DOCK1: variants seen among roughly 807,000 people sequenced by gnomAD.
The protein encoded by DOCK1 is dedicator of cytokinesis 1, also known as dedicator of cytokinesis protein 1.
DOCK1 carries 138 observed loss-of-function variants against 262.7 expected under a neutral mutation model. The observed-to-expected ratio is 0.53, with a 90% CI of 0.46 to 0.61. The LOEUF (loss-of-function observed/expected upper bound fraction) is 0.61. Ranked by LOEUF, DOCK1 falls within the 20% of genes least tolerant of loss-of-function variation. DOCK1 has a pLI of 0.00. For missense variants in DOCK1, 1,908 were observed against 2,370.7 expected (o/e 0.80, Z 4.05); for synonymous variants, 866 against 867.4 (o/e 1.00, Z 0.03).
At chr10:127,443,001 A>G (rs1056178832) in intron 49 of DOCK1, among the ~76,000 whole-genome samples, 1 of 151,942 alleles carries the variant, frequency 6.6e-6, no homozygotes, top group Non-Finnish European at 1.5e-5. Context: ...AACCCCAGAA[A>G]CTCATTGTCT....
At chr10:126,945,898 C>T (rs1037773687) in intron 1 of DOCK1, among the ~76,000 whole-genome samples, 6 of 152,264 alleles carry the variant, frequency 3.9e-5, no homozygotes, top group South Asian at 2.1e-4. Context: ...TCATGATTGC[C>T]GCAGTGCTTT....
intron 29 of DOCK1, among the ~76,000 whole-genome samples, chr10:127,284,271 G>T (rs556634805): frequency 1.7e-4 from 26 of 151,302 alleles, no homozygotes; most frequent in South Asian, 1.3e-3. Context: ...CATTCGGTTA[G>T]GTTTTTAAAA....
At chr10:127,078,520 T>C (rs1345330404) in intron 23 of DOCK1, among the ~76,000 whole-genome samples, 2 of 152,118 alleles carry the variant, frequency 1.3e-5, no homozygotes, top group Non-Finnish European at 2.9e-5. Context: ...GAGAGTGTCA[T>C]AACATGACAT....
intron 39 of DOCK1, 90 bp from the exon 40 acceptor site, chr10:127,404,235 C>A: frequency 1.8e-6 from 2 of 1,102,894 alleles, no homozygotes; most frequent in South Asian, 1.4e-5. Flanking sequence ...ATAGAAGTTG[C>A]CAGAGCTTTT....
intron 23 of DOCK1, among the ~76,000 whole-genome samples, chr10:127,066,153 C>G (rs929604486): frequency 5.9e-5 from 9 of 152,120 alleles, no homozygotes; most frequent in Non-Finnish European, 1.0e-4. Context: ...TGCCTCTGCC[C>G]TCGAGTCGTG....
intron 27 of DOCK1, chr10:127,177,046 A>G (rs189338860): frequency 6.6e-6 from 1 of 152,256 alleles, no homozygotes; most frequent in Non-Finnish European, 1.5e-5. Flanking sequence ...ATGGGTTAAC[A>G]TCAGCTCTAA....
At chr10:127,361,372 C>T (rs1590686852) in intron 32 of DOCK1, among the ~76,000 whole-genome samples, 1 of 152,042 alleles carries the variant, frequency 6.6e-6, no homozygotes, top group South Asian at 2.1e-4. Context: ...CCTTGGCCTC[C>T]CAAAGTGCTG....
chr10:127,326,761 A>G (rs764870673), intron 29 of DOCK1, among the ~76,000 whole-genome samples: 3 of 152,216 alleles, frequency 2.0e-5, no homozygotes, highest in Admixed American at 2.0e-4. Flanking sequence ...AGAAATCACT[A>G]TCTCTGGCAG....
At chr10:127,364,396 C>G (rs542857758) in intron 33 of DOCK1, among the ~76,000 whole-genome samples, 40 of 152,168 alleles carry the variant, frequency 2.6e-4, no homozygotes, top group African/African-American at 9.2e-4. Flanking sequence ...GAGACGGAGT[C>G]TCGCTCTGTT....
intron 30 of DOCK1, among the ~76,000 whole-genome samples, chr10:127,340,803 A>G (rs1262715316): frequency 6.6e-6 from 1 of 152,176 alleles, no homozygotes. Flanking sequence ...TAGGCTAAGA[A>G]TACTTAGTGG....
At chr10:126,939,804 T>C (rs2034852348) in intron 1 of DOCK1, among the ~76,000 whole-genome samples, 1 of 152,246 alleles carries the variant, frequency 6.6e-6, no homozygotes, top group Non-Finnish European at 1.5e-5. Context: ...GTTTGGTGTT[T>C]GTTAATCCCA....
At chr10:127,001,128 T>G (rs1287167807) in intron 10 of DOCK1, 1 of 152,230 alleles carries the variant, frequency 6.6e-6, no homozygotes, top group Non-Finnish European at 1.5e-5. Context: ...TACCTAGCAC[T>G]GTGATATTTA....
chr10:126,937,617 G>A (rs1415191854), intron 1 of DOCK1, among the ~76,000 whole-genome samples: 1 of 151,382 alleles, frequency 6.6e-6, no homozygotes, highest in Non-Finnish European at 1.5e-5. Flanking sequence ...GTGATGTTGA[G>A]CTTTTTTTTC....
chr10:127,134,755 C>T (rs986008559), intron 27 of DOCK1, among the ~76,000 whole-genome samples: 1 of 152,112 alleles, frequency 6.6e-6, no homozygotes, highest in Non-Finnish European at 1.5e-5. Context: ...GAAGAACATG[C>T]GATGGTAGCA....
intron 27 of DOCK1, among the ~76,000 whole-genome samples, chr10:127,169,649 T>A (rs1174509829): frequency 6.6e-6 from 1 of 152,170 alleles, no homozygotes; most frequent in Non-Finnish European, 1.5e-5. Flanking sequence ...ATGGCAGAGT[T>A]GAATCATTGT....
intron 27 of DOCK1, among the ~76,000 whole-genome samples, chr10:127,163,177 GGGAACATGT>G (rs1266358649): frequency 3.3e-5 from 5 of 152,136 alleles, no homozygotes; most frequent in Admixed American, 6.5e-5. Flanking sequence ...TTTGCTGGCT[GGGAACATGT>G]CTTTGTTCCT....
At chr10:126,929,303 G>T (rs1397790985) in intron 1 of DOCK1, among the ~76,000 whole-genome samples, 1 of 152,110 alleles carries the variant, frequency 6.6e-6, no homozygotes, top group Non-Finnish European at 1.5e-5. Context: ...TGTAAACTGG[G>T]GAGAAAAGCA....
At chr10:127,092,264 G>A (rs2047582342) in intron 23 of DOCK1, among the ~76,000 whole-genome samples, 1 of 152,224 alleles carries the variant, frequency 6.6e-6, no homozygotes, top group Non-Finnish European at 1.5e-5. Flanking sequence ...AGCTGGATCG[G>A]GGAGGAGAGG....
At chr10:127,099,398 A>C (rs541356507) in intron 23 of DOCK1, among the ~76,000 whole-genome samples, 1 of 152,136 alleles carries the variant, frequency 6.6e-6, no homozygotes, top group African/African-American at 2.4e-5. Context: ...TGCTGTATTC[A>C]TCTCTTTTGC....
Sources: gnomAD v4.1 joint callset for allele counts (sites outside exome capture counted in the v4.1 genomes callset) on GRCh38, gnomAD v4.1.1 for gene constraint, MANE v1.5 for transcripts, NCBI Gene and HGNC (gene_info 2026-07-23, HGNC 2026-07-21) for gene names.